Variants in FAM114A1 observed in about 807,000 individuals in gnomAD.
FAM114A1 encodes protein NOXP20.
FAM114A1 carries 62 observed loss-of-function variants against 64.3 expected under a neutral mutation model. The observed-to-expected ratio is 0.96, with a 90% confidence interval of 0.79 to 1.19. FAM114A1 has a LOEUF of 1.19. FAM114A1 is among the 50% of genes most tolerant of loss of function. FAM114A1 has a pLI of 0.00. For synonymous variants in FAM114A1, 254 were observed against 251.1 expected, an observed-to-expected ratio of 1.01 and a Z score of -0.11; for missense variants, 645 against 676.3, an observed-to-expected ratio of 0.95 and a Z score of 0.51.
chr4:38,902,261 A>G (rs1294253087), intron 4 of FAM114A1, among the ~76,000 whole-genome samples: 1 of 152,214 alleles, frequency 6.6e-6, no homozygotes, highest in Non-Finnish European at 1.5e-5. Flanking sequence ...AGAAGATTAA[A>G]TGAGATAATG....
chr4:38,897,628 G>A (rs1050617215), intron 4 of FAM114A1, among the ~76,000 whole-genome samples: 3 of 152,168 alleles, frequency 2.0e-5, no homozygotes, highest in African/African-American at 7.2e-5. Context: ...TTTGTGAAAT[G>A]AAGTAAGCTT....
At chr4:38,925,608 C>T (rs774154048) in intron 9 of FAM114A1, among the ~76,000 whole-genome samples, 1 of 152,136 alleles carries the variant, frequency 6.6e-6, no homozygotes, top group African/African-American at 2.4e-5. Context: ...AATTTAATAT[C>T]AGTCTCCTCT....
In FAM114A1 at chr4:38,937,384, G is replaced by C. The variant is rs191963802; in HGVS notation, c.1536+1594G>C. 3.1e-3 allele frequency among the ~76,000 whole-genome samples: 471 copies of C among 152,188 alleles called. 2 individuals carry two copies. The highest frequency in any genetic ancestry group is 8.1e-3 in the South Asian group (39 of 4,824). ...CTGCAAAACTCCAGTCTCTCTCTGT[G>C]TCTTGACATGGCTGCTTTCTCCCTG... On this transcript the variant is annotated intron_variant, in intron 13 of 14. Transcript: ENST00000358869.
chr4:38,925,620 C>T (rs1182909085), intron 9 of FAM114A1, among the ~76,000 whole-genome samples: 2 of 152,294 alleles, frequency 1.3e-5, no homozygotes, highest in Middle Eastern at 3.4e-3. Flanking sequence ...GTCTCCTCTG[C>T]ATTTAATAAT....
chr4:38,906,836 T>C (rs1271003347), intron 6 of FAM114A1, among the ~76,000 whole-genome samples: 4 of 152,188 alleles, frequency 2.6e-5, no homozygotes, highest in Non-Finnish European at 5.9e-5. Flanking sequence ...TTTCTTACTA[T>C]GTAAACTAAC....
chr4:38,911,246 C>T (rs1351597416), intron 7 of FAM114A1, among the ~76,000 whole-genome samples: 3 of 152,162 alleles, frequency 2.0e-5, no homozygotes, highest in East Asian at 3.9e-4. Context: ...TGAAAGTGTC[C>T]CAGACTGCAG....
intron 3 of FAM114A1, among the ~76,000 whole-genome samples, chr4:38,883,283 C>T (rs577994709): frequency 1.2e-4 from 18 of 152,278 alleles, no homozygotes; most frequent in African/African-American, 4.1e-4. Context: ...AGGCTTTAGA[C>T]AGAGCATTTA....
rs1433154125 is a variant in FAM114A1 at position 38,931,549 on chromosome 4, G to A, written c.1260G>A (p.Lys420=). 6.2e-7 allele frequency: 1 copy of A among 1,613,852 alleles called. No individual in the cohort carries two copies. The change falls in exon 11 of 15, where the codon AAG becomes AAA. Residue 420 remains lysine, a synonymous_variant. Coordinates refer to ENST00000358869, the MANE Select transcript of FAM114A1 (RefSeq NM_138389.4). ...VSEEETKKEE[K]EEKSQDPQED... ...AAGAAGAAACAAAGAAGGAAGAAAA[G>A]GAAGAGAAATCTCAAGACCCTCAAG...
At chr4:38,920,630 A>G (rs765855130) in intron 8 of FAM114A1, among the ~76,000 whole-genome samples, 15 of 152,258 alleles carry the variant, frequency 9.9e-5, no homozygotes, top group Non-Finnish European at 1.8e-4. Flanking sequence ...CAGAAGACAT[A>G]GGCAAACACA....
chr4:38,878,491 T>C (rs1714898111), intron 3 of FAM114A1, 65 bp downstream of exon 3: 1 of 1,428,546 alleles, frequency 7.0e-7, no homozygotes. Context: ...TGTGCAGAGC[T>C]AGCACCAAGC....
chr4:38,895,659 T>A (rs954440338), intron 4 of FAM114A1, among the ~76,000 whole-genome samples: 1 of 152,206 alleles, frequency 6.6e-6, no homozygotes, highest in African/African-American at 2.4e-5. Flanking sequence ...ATGCTTCACT[T>A]AACAATGGGA....
rs1274173002 is a variant in FAM114A1 at position 38,877,637 on chromosome 4, G to A, written c.-8-434G>A. ...GTACAAGGAATAATGCAGGGTTGGG[G>A]ACCCACAAGGTTACATAGAGTATTG... On this transcript the variant is annotated intron_variant, in intron 2 of 14. Coordinates refer to ENST00000358869, the MANE Select transcript of FAM114A1 (RefSeq NM_138389.4). 4.6e-5 allele frequency among the ~76,000 whole-genome samples: 7 copies of A among 151,926 alleles called. No individual in the cohort carries two copies. The East Asian group carries it at 1.3e-3, about 29-fold the overall frequency.
intron 11 of FAM114A1, 143 bp downstream of exon 11, chr4:38,931,755 A>ACAGGGTTTCAC: frequency 1.3e-6 from 1 of 756,136 alleles, no homozygotes; most frequent in Non-Finnish European, 2.0e-6. Context: ...AGCCTGGCCA[A>ACAGGGTTTCAC]CATGGTGAAA....
chr4:38,915,291 C>A (rs1718939589), intron 8 of FAM114A1, among the ~76,000 whole-genome samples: 1 of 152,064 alleles, frequency 6.6e-6, no homozygotes. Flanking sequence ...TCCAAAAAGG[C>A]CTGCACAGTA....
intron 8 of FAM114A1, among the ~76,000 whole-genome samples, chr4:38,918,491 A>G (rs1719285421): frequency 6.6e-6 from 1 of 152,240 alleles, no homozygotes; most frequent in African/African-American, 2.4e-5. Flanking sequence ...ATGACTAGTT[A>G]CATTTTAACT....
intron 12 of FAM114A1, 41 bp downstream of exon 12, chr4:38,932,415 A>G (rs979827983): frequency 1.3e-6 from 2 of 1,546,494 alleles, no homozygotes; most frequent in East Asian, 2.3e-5. Flanking sequence ...TCCCAGTTTT[A>G]TATATAGGTA....
chr4:38,919,467 G>A (rs957010241), intron 8 of FAM114A1, among the ~76,000 whole-genome samples: 1 of 152,214 alleles, frequency 6.6e-6, no homozygotes, highest in African/African-American at 2.4e-5. Context: ...ACAGCCAGTG[G>A]CACCATCCCA....
chr4:38,886,359 C>A (rs1422385228), intron 3 of FAM114A1, among the ~76,000 whole-genome samples: 1 of 151,442 alleles, frequency 6.6e-6, no homozygotes, highest in Non-Finnish European at 1.5e-5. Context: ...TTAGTAGAGA[C>A]GGGGTTTCAC....
At chr4:38,917,183 A>AATAAATAAATAC (rs1179909501) in intron 8 of FAM114A1, among the ~76,000 whole-genome samples, 6 of 151,502 alleles carry the variant, frequency 4.0e-5, no homozygotes, top group African/African-American at 7.3e-5. Context: ...TAAATAAATA[A>AATAAATAAATAC]ATAAAAAAGC....
Sources: gnomAD v4.1 joint callset for allele counts (sites outside exome capture counted in the v4.1 genomes callset) on GRCh38, gnomAD v4.1.1 for gene constraint, MANE v1.5 for transcripts, NCBI Gene and HGNC (gene_info 2026-07-23, HGNC 2026-07-21) for gene names.